Variants in FGFR2 observed in about 807,000 individuals in gnomAD.
FGFR2 encodes BEK fibroblast growth factor receptor.
Under a neutral mutation model 95.9 loss-of-function variants are expected in FGFR2, and 19 were observed. The observed-to-expected ratio is 0.20, with a 90% CI of 0.14 to 0.29. FGFR2 has a LOEUF of 0.29. FGFR2 is among the 10% of genes least tolerant of loss of function. The pLI, the probability that FGFR2 is intolerant of heterozygous loss-of-function variation, is 1.00. For synonymous variants in FGFR2, 392 were observed against 393.3 expected (o/e 1.00, Z 0.04); for missense variants, 707 against 1,056.9 (o/e 0.67, Z 4.59).
intron 9 of FGFR2, among the ~76,000 whole-genome samples, chr10:121,512,399 G>A (rs1849168271): frequency 6.6e-6 from 1 of 152,208 alleles, no homozygotes; most frequent in Non-Finnish European, 1.5e-5. Flanking sequence ...GAGCTGAGGT[G>A]TGTCAACATT....
rs1564853267 is a variant in FGFR2, at chr10:121,485,257, G to C, written c.2195+138C>G. The C allele has an allele frequency of 8.9e-7, 1 of 1,123,860 alleles. No individual in the cohort carries two copies. The highest frequency in any genetic ancestry group is 1.7e-5 in the Admixed American group (1 of 58,946). 69.6% of individuals were successfully genotyped at this position (1,123,860 alleles called of 1,614,324 possible). A position where few individuals can be genotyped will look rare whatever the true frequency, so the allele number is the denominator to read the frequency against. ...TCGCTATGTATCCCAGCTCTGGATTGAGCCCAGAGAGCTTCAGCCATTCTT... is the reference window on the plus strand; with the variant it reads ...TCGCTATGTATCCCAGCTCTGGATTCAGCCCAGAGAGCTTCAGCCATTCTT... On this transcript the variant is annotated intron_variant, in intron 16 of 17. Coordinates refer to ENST00000358487, the MANE Select transcript of FGFR2 (RefSeq NM_000141.5). The surrounding 1 kb of genome is among the most constrained non-coding windows in gnomAD (Gnocchi z 4.2).
chr10:121,501,402 C>T (rs1847585899), intron 10 of FGFR2, among the ~76,000 whole-genome samples: 1 of 152,148 alleles, frequency 6.6e-6, no homozygotes. Context: ...TGCCAAGTTA[C>T]AGGATATGCC....
intron 9 of FGFR2, among the ~76,000 whole-genome samples, chr10:121,504,386 T>C (rs2134073761): frequency 6.6e-6 from 1 of 152,344 alleles, no homozygotes; most frequent in Middle Eastern, 3.4e-3. Flanking sequence ...CGAAAACTTT[T>C]AGGAAATTGG....
intron 6 of FGFR2, chr10:121,538,169 T>A (rs1853135105): frequency 1.7e-6 from 1 of 598,652 alleles, no homozygotes; most frequent in Non-Finnish European, 3.0e-6. Context: ...ACAGGCTCAG[T>A]CCTCAGACCT....
In FGFR2 at chr10:121,485,369, C is replaced by T. The variant is rs2133792379; in HGVS notation, c.2195+26G>A. On this transcript the variant is annotated intron_variant, in intron 16 of 17. Transcript: ENST00000358487. The surrounding 1 kb of genome is among the most constrained non-coding windows in gnomAD (Gnocchi z 4.2). The stretch of plus-strand genomic sequence containing the variant: ...CTGGTGTGGCAAGTCCACTGGGGCA[C>T]CGGCAGGAAAGACAACAGCCCTTAC... The T allele has an allele frequency of 6.2e-7, 1 of 1,613,990 alleles. No individual in the cohort carries two copies. The highest frequency in any genetic ancestry group is 8.5e-7 in the Non-Finnish European group (1 of 1,179,984).
At chr10:121,593,053 T>C (rs988968995) in intron 2 of FGFR2, among the ~76,000 whole-genome samples, 1 of 152,164 alleles carries the variant, frequency 6.6e-6, no homozygotes, top group East Asian at 1.9e-4. Flanking sequence ...TTTCCAAAGC[T>C]GTGACACCGG....
intron 4 of FGFR2, among the ~76,000 whole-genome samples, chr10:121,554,291 C>G (rs886301408): frequency 1.3e-5 from 2 of 151,936 alleles, no homozygotes; most frequent in Admixed American, 6.6e-5. Context: ...ATATCAAGCT[C>G]ACAAATATGT....
intron 11 of FGFR2, among the ~76,000 whole-genome samples, chr10:121,500,080 T>A (rs1847397503): frequency 6.6e-6 from 1 of 152,188 alleles, no homozygotes; most frequent in Admixed American, 6.5e-5. Context: ...CTTTCCGAGA[T>A]CCCTACAAGA....
At chr10:121,548,363 A>G (rs1239801935) in intron 5 of FGFR2, among the ~76,000 whole-genome samples, 2 of 149,626 alleles carry the variant, frequency 1.3e-5, no homozygotes, top group Non-Finnish European at 3.0e-5. Context: ...TCAGCGTGAT[A>G]CAACAAAATC....
rs1844380848 is a variant in FGFR2 at position 121,479,374 on chromosome 10, T to C, written c.*483A>G. On this transcript the variant is annotated 3_prime_UTR_variant, in exon 18 of 18. Coordinates refer to ENST00000358487, the MANE Select transcript of FGFR2 (RefSeq NM_000141.5). ...ATTAAAAAAAGAGAGACCAATTTTC[T>C]AGGTGCATTGGGACATCCATTTAAA... 3.2e-6 allele frequency: 1 copy of C among 308,648 alleles called. No homozygotes were observed. Among genetic ancestry groups the C allele is most frequent in the Non-Finnish European group, 5.8e-6 (1 of 172,382 alleles). 19.1% of individuals were successfully genotyped at this position (308,648 alleles called of 1,614,324 possible).
chr10:121,481,331 C>T (rs1055993842), intron 17 of FGFR2, among the ~76,000 whole-genome samples: 7 of 151,996 alleles, frequency 4.6e-5, no homozygotes, highest in Admixed American at 1.3e-4. Flanking sequence ...ACAGCACAAA[C>T]AGCCTCAGTG....
chr10:121,578,437 C>T (rs758531468), intron 2 of FGFR2, among the ~76,000 whole-genome samples: 9 of 152,240 alleles, frequency 5.9e-5, no homozygotes, highest in Non-Finnish European at 1.0e-4. Context: ...CTGCTCCCAT[C>T]TCGTCCTGTT....
At chr10:121,483,621 G>T in intron 17 of FGFR2, 77 bp downstream of exon 17, 2 of 1,019,582 alleles carry the variant, frequency 2.0e-6, no homozygotes, top group East Asian at 2.5e-5. Context: ...CAGCCAACAG[G>T]GGAGTGTGTG....
intron 9 of FGFR2, among the ~76,000 whole-genome samples, chr10:121,508,726 A>C (rs1848635958): frequency 6.6e-6 from 1 of 152,260 alleles, no homozygotes. Flanking sequence ...TTAAATGTAC[A>C]AACCTGGAAA....
At chr10:121,543,761 G>A (rs1382849124) in intron 5 of FGFR2, among the ~76,000 whole-genome samples, 1 of 152,154 alleles carries the variant, frequency 6.6e-6, no homozygotes, top group Non-Finnish European at 1.5e-5. Context: ...AGAGAACAGG[G>A]CCGGGCAATC....
intron 9 of FGFR2, among the ~76,000 whole-genome samples, chr10:121,505,884 T>G (rs1329503033): frequency 6.6e-6 from 1 of 152,200 alleles, no homozygotes; most frequent in Non-Finnish European, 1.5e-5. Context: ...CAAATCTTTC[T>G]GTCCTCCTAA....
chr10:121,577,057 C>T (rs924266320), intron 2 of FGFR2, among the ~76,000 whole-genome samples: 1 of 138,328 alleles, frequency 7.2e-6, no homozygotes, highest in African/African-American at 2.8e-5. Flanking sequence ...ATCGCTTGAA[C>T]CTGGGAGGCG....
chr10:121,575,382 C>T (rs1297052928), intron 2 of FGFR2, among the ~76,000 whole-genome samples: 1 of 152,104 alleles, frequency 6.6e-6, no homozygotes, highest in Non-Finnish European at 1.5e-5. Flanking sequence ...CTGTTCATGA[C>T]AGTGTTCTCC....
At chr10:121,481,052 T>C (rs1300739395) in intron 17 of FGFR2, among the ~76,000 whole-genome samples, 1 of 152,202 alleles carries the variant, frequency 6.6e-6, no homozygotes, top group Non-Finnish European at 1.5e-5. Flanking sequence ...ATTTACATAT[T>C]GTCTGTGGCT....
Sources: gnomAD v4.1 joint callset for allele counts (sites outside exome capture counted in the v4.1 genomes callset) on GRCh38, gnomAD v4.1.1 for gene constraint, Gnocchi (gnomAD v3.1) non-coding constraint, MANE v1.5 for transcripts, NCBI Gene and HGNC (gene_info 2026-07-23, HGNC 2026-07-21) for gene names.